The following COL4A5 variants were observed in gnomAD, a reference collection of about 807,000 sequenced individuals.
COL4A5 encodes the protein collagen type IV alpha 5 chain.
Under a neutral mutation model 130.2 loss-of-function variants are expected in COL4A5, and 26 were observed. That is an observed-to-expected ratio of 0.20 (90% CI 0.15 to 0.28). The LOEUF is 0.28. Among genes scored for constraint, COL4A5 ranks in the 10% least tolerant of loss-of-function variants. COL4A5 has a pLI of 1.00. For missense variants in COL4A5, 1,131 were observed against 1,344.3 expected (o/e 0.84, Z 2.48); for synonymous variants, 496 against 439.6 (o/e 1.13, Z -1.60).
intron 36 of COL4A5, chrX:108,626,978 A>G: frequency 1.3e-6 from 1 of 742,953 alleles, no homozygotes. Context: ...TTAGAAAAGG[A>G]ATTTTGGTAC....
chrX:108,444,277 C>T (rs1450933395), intron 1 of COL4A5, among the ~76,000 whole-genome samples: 3 of 106,205 alleles, frequency 2.8e-5, no homozygotes, highest in South Asian at 4.4e-4. Flanking sequence ...AGTGCAGTGG[C>T]GCGATGATCT....
chrX:108,453,642 AG>A (rs1467466366), intron 1 of COL4A5, among the ~76,000 whole-genome samples: 1 of 111,823 alleles, frequency 8.9e-6, no homozygotes, highest in Non-Finnish European at 1.9e-5. Context: ...CTTGAAAACA[AG>A]AAGTTTGAAA....
intron 1 of COL4A5, among the ~76,000 whole-genome samples, chrX:108,503,498 T>C (rs187416835): frequency 1.4e-3 from 157 of 111,803 alleles, no homozygotes; most frequent in Admixed American, 7.4e-3. Flanking sequence ...TATAATCTTA[T>C]ACCTAGAAAA....
intron 1 of COL4A5, among the ~76,000 whole-genome samples, chrX:108,497,536 A>G (rs1479726275): frequency 1.8e-5 from 2 of 111,329 alleles, no homozygotes; most frequent in Non-Finnish European, 3.8e-5. Context: ...GAGTTCCTCT[A>G]TGTTTGTGGG....
chrX:108,671,010 G>A lies in COL4A5; in HGVS notation c.3799+774G>A, dbSNP rs28540279. ...TGAGCTGAGATTGCACCACTGCACC[G>A]CAGCCAGGGCGAGACTAATAGGCAC... On this transcript the variant is annotated intron_variant, in intron 42 of 52. Transcript: ENST00000328300. 4.1e-4 allele frequency among the ~76,000 whole-genome samples: 45 copies of A among 110,810 alleles called. No individual in the cohort carries two copies. In the East Asian group the frequency reaches 0.011, roughly 26 times the overall value.
At chrX:108,550,111 G>C (rs930791672) in intron 2 of COL4A5, among the ~76,000 whole-genome samples, 4 of 111,643 alleles carry the variant, frequency 3.6e-5, no homozygotes, top group Non-Finnish European at 7.6e-5. Flanking sequence ...GCAAGTGACA[G>C]TGTCAATCTT....
At chrX:108,563,860 C>A (rs748215848) in intron 3 of COL4A5, 22 bp from the exon 4 acceptor site, 1 of 1,201,380 alleles carries the variant, frequency 8.3e-7, no homozygotes, top group Non-Finnish European at 1.1e-6. Flanking sequence ...GGACAAAAAC[C>A]TAAAAATATT....
At chrX:108,671,688 G>A (rs2068210466) in intron 42 of COL4A5, among the ~76,000 whole-genome samples, 1 of 111,882 alleles carries the variant, frequency 8.9e-6, no homozygotes. Flanking sequence ...AGAGAGGGGT[G>A]GGTTCTTGTT....
chrX:108,595,152 T>C (rs922191649), intron 21 of COL4A5, among the ~76,000 whole-genome samples: 3 of 112,300 alleles, frequency 2.7e-5, no homozygotes, highest in Non-Finnish European at 5.6e-5. Context: ...CATGAGCTAC[T>C]GCAGTCTGCC....
At chrX:108,515,218 T>A (rs192073403) in intron 1 of COL4A5, among the ~76,000 whole-genome samples, 4 of 111,943 alleles carry the variant, frequency 3.6e-5, no homozygotes, top group African/African-American at 1.3e-4. Flanking sequence ...AAACTATGAC[T>A]TTTTCCTAAC....
intron 1 of COL4A5, among the ~76,000 whole-genome samples, chrX:108,471,652 T>C (rs2064771359): frequency 9.0e-6 from 1 of 111,714 alleles, no homozygotes. Context: ...CTGATTGCTC[T>C]GCCTAGGACT....
At chrX:108,563,791 C>A in intron 3 of COL4A5, 91 bp from the exon 4 acceptor site, 2 of 725,703 alleles carry the variant, frequency 2.8e-6, no homozygotes, top group Non-Finnish European at 4.3e-6. Flanking sequence ...CAGATGTTTA[C>A]AGTAGTTTAA....
intron 40 of COL4A5, 93 bp from the exon 41 acceptor site, chrX:108,668,226 C>G: frequency 1.2e-6 from 1 of 854,215 alleles, no homozygotes; most frequent in South Asian, 2.2e-5. Flanking sequence ...TTGTGAATTC[C>G]ATTAATTGCC....
At chrX:108,579,699 TA>T (rs781718507) in intron 13 of COL4A5, among the ~76,000 whole-genome samples, 6 of 112,202 alleles carry the variant, frequency 5.3e-5, no homozygotes, top group African/African-American at 9.7e-5. Flanking sequence ...TTGTTTCACT[TA>T]AATGTGAATA....
intron 1 of COL4A5, among the ~76,000 whole-genome samples, chrX:108,478,171 T>A (rs1342369512): frequency 9.0e-6 from 1 of 111,723 alleles, no homozygotes. Flanking sequence ...TTCATCTTGA[T>A]AGTATGGGTC....
intron 6 of COL4A5, 105 bp downstream of exon 6, chrX:108,568,926 C>A: frequency 1.5e-6 from 1 of 668,427 alleles, no homozygotes; most frequent in South Asian, 2.4e-5. Flanking sequence ...ATAGTGTCTT[C>A]AGGTCTTGGC....
intron 47 of COL4A5, among the ~76,000 whole-genome samples, chrX:108,685,487 T>C (rs1360462419): frequency 1.8e-5 from 2 of 112,262 alleles, no homozygotes; most frequent in Non-Finnish European, 3.8e-5. Flanking sequence ...GAAATGAAAA[T>C]GCATTTAAGA....
At chrX:108,680,621 A>G in intron 44 of COL4A5, 58 bp from the exon 45 acceptor site, 2 of 986,151 alleles carry the variant, frequency 2.0e-6, no homozygotes, top group Non-Finnish European at 2.9e-6. Flanking sequence ...TATGCCCTCA[A>G]TCACCTTCCT....
chrX:108,570,087 G>C (rs931727344), intron 6 of COL4A5, among the ~76,000 whole-genome samples: 6 of 111,533 alleles, frequency 5.4e-5, no homozygotes, highest in African/African-American at 2.0e-4. Context: ...GATAATTACT[G>C]TACTCTATAC....
Sources: gnomAD v4.1 joint callset for allele counts (sites outside exome capture counted in the v4.1 genomes callset) on GRCh38, gnomAD v4.1.1 for gene constraint, MANE v1.5 for transcripts, NCBI Gene and HGNC (gene_info 2026-07-23, HGNC 2026-07-21) for gene names.